The following LIPI variants were observed in gnomAD, a reference collection of about 807,000 sequenced individuals.
The protein encoded by LIPI is lipase member I.
In LIPI, 59 loss-of-function variants were observed where a neutral mutation model predicts 50.6. The observed-to-expected ratio is 1.16, with a 90% CI of 0.94 to 1.45. LIPI has a LOEUF of 1.45. Ranked by LOEUF, LIPI falls within the 40% of genes most tolerant of loss-of-function variation. LIPI has a pLI of 0.00. For synonymous variants in LIPI, 203 were observed against 178.2 expected (o/e 1.14, Z -1.11); for missense variants, 586 against 536.3 (o/e 1.09, Z -0.92).
intron 3 of LIPI, among the ~76,000 whole-genome samples, chr21:14,182,203 T>C (rs986077712): frequency 6.6e-6 from 1 of 152,108 alleles, no homozygotes; most frequent in African/African-American, 2.4e-5. Flanking sequence ...ATGAATACCA[T>C]CTGGTCCTCT....
intron 4 of LIPI, among the ~76,000 whole-genome samples, chr21:14,179,003 T>A (rs1283193444): frequency 1.3e-5 from 2 of 152,132 alleles, no homozygotes; most frequent in Non-Finnish European, 2.9e-5. Flanking sequence ...AAGGCTGATT[T>A]GTTCAGCTTT....
chr21:14,208,332 G>T (rs865897024), intron 1 of LIPI, among the ~76,000 whole-genome samples: 4 of 152,024 alleles, frequency 2.6e-5, no homozygotes, highest in African/African-American at 9.7e-5. Context: ...ATAAGAATTC[G>T]CATTTTTATC....
intron 8 of LIPI, among the ~76,000 whole-genome samples, chr21:14,148,390 A>T (rs988570597): frequency 6.6e-6 from 1 of 152,194 alleles, no homozygotes; most frequent in Non-Finnish European, 1.5e-5. Flanking sequence ...TCTTAAAGAC[A>T]ATTAAAATCC....
intron 1 of LIPI, among the ~76,000 whole-genome samples, chr21:14,196,859 T>A (rs1162272437): frequency 1.3e-5 from 2 of 152,062 alleles, no homozygotes; most frequent in Non-Finnish European, 2.9e-5. Flanking sequence ...AAAGTACATT[T>A]AAATGTGTGT....
chr21:14,141,927 T>C (rs946893326), intron 9 of LIPI, among the ~76,000 whole-genome samples: 1 of 152,196 alleles, frequency 6.6e-6, no homozygotes, highest in African/African-American at 2.4e-5. Flanking sequence ...CCCTGGATAA[T>C]ATAAATTCTT....
intron 9 of LIPI, among the ~76,000 whole-genome samples, chr21:14,127,693 C>T (rs2017120680): frequency 6.6e-6 from 1 of 152,006 alleles, no homozygotes; most frequent in African/African-American, 2.4e-5. Context: ...TTGTCTTTTC[C>T]CTTTCCTTTA....
In LIPI at chr21:14,160,405, T is replaced by A. The variant is rs77669540; in HGVS notation, c.1006+3014A>T. Among the ~76,000 whole-genome samples the A allele has an allele frequency of 9.4e-3, 1,418 of 151,444 alleles. 25 individuals are homozygous for A. The highest frequency in any genetic ancestry group is 0.033 in the African/African-American group (1,360 of 41,454). ...ATATTATATATCTCATCTACAGAGA[T>A]ATATTTTAACCAATTGTTGATAAAG... On this transcript the variant is annotated intron_variant, in intron 7 of 9. Transcript: ENST00000681601.
intron 1 of LIPI, among the ~76,000 whole-genome samples, chr21:14,201,950 C>A (rs1343871827): frequency 6.6e-6 from 1 of 152,060 alleles, no homozygotes; most frequent in African/African-American, 2.4e-5. Flanking sequence ...TTGTCTCAGC[C>A]CAAAATCTCC....
In LIPI at chr21:14,121,867, C is replaced by T. The variant is rs79333373; in HGVS notation, c.1296-12787G>A. Among the ~76,000 whole-genome samples the T allele has an allele frequency of 0.013, 1,988 of 152,286 alleles. 53 individuals are homozygous for T. In the East Asian group the frequency reaches 0.14, roughly 11 times the overall value. ...AGATGACTGCCCTGCCCCAACCACA[C>T]CAGAGGCTGGTTGGTAAATGCACTG... On this transcript the variant is annotated intron_variant, in intron 9 of 9. Transcript: ENST00000681601.
At chr21:14,203,856 GAGAA>G (rs57913221) in intron 1 of LIPI, among the ~76,000 whole-genome samples, 1 of 151,158 alleles carries the variant, frequency 6.6e-6, no homozygotes, top group Non-Finnish European at 1.5e-5. Context: ...ATAATAAAAA[GAGAA>G]AGAAAGAAAA....
At chr21:14,200,578 A>G (rs1464318945) in intron 1 of LIPI, among the ~76,000 whole-genome samples, 1 of 152,090 alleles carries the variant, frequency 6.6e-6, no homozygotes, top group Non-Finnish European at 1.5e-5. Flanking sequence ...TACTAGGAGA[A>G]CAACAAAACA....
intron 1 of LIPI, among the ~76,000 whole-genome samples, chr21:14,205,331 C>G (rs2020194685): frequency 6.6e-6 from 1 of 151,728 alleles, no homozygotes; most frequent in African/African-American, 2.4e-5. Flanking sequence ...GGGGACTATG[C>G]AGCATTTAAG....
At chr21:14,198,457 T>A (rs1024133686) in intron 1 of LIPI, among the ~76,000 whole-genome samples, 3 of 151,354 alleles carry the variant, frequency 2.0e-5, no homozygotes, top group Non-Finnish European at 4.4e-5. Context: ...AGAAAAAAAA[T>A]AGGGGTTGCA....
At chr21:14,206,844 AG>A (rs1186948141) in intron 1 of LIPI, 1 of 1,611,266 alleles carries the variant, frequency 6.2e-7, no homozygotes, top group African/African-American at 1.3e-5. Flanking sequence ...TAGAAGCCAC[AG>A]GACATTTCTG....
chr21:14,127,475 C>T (rs11700413), intron 9 of LIPI, among the ~76,000 whole-genome samples: 20,889 of 152,140 alleles, frequency 0.14, 1,895 homozygotes, highest in South Asian at 0.21. Context: ...AGATTTCATA[C>T]ATTTAATAAA....
At chr21:14,143,220 T>G (rs755449339) in intron 9 of LIPI, among the ~76,000 whole-genome samples, 8 of 152,152 alleles carry the variant, frequency 5.3e-5, no homozygotes, top group Non-Finnish European at 1.2e-4. Context: ...CTTACAGCTC[T>G]AGTCCTTCAA....
chr21:14,193,389 C>A (rs894736617), intron 1 of LIPI, among the ~76,000 whole-genome samples: 3 of 151,966 alleles, frequency 2.0e-5, no homozygotes, highest in African/African-American at 7.2e-5. Flanking sequence ...AAAATAAGTG[C>A]TTTGCTATCA....
At chr21:14,142,903 G>A (rs984469720) in intron 9 of LIPI, among the ~76,000 whole-genome samples, 14 of 151,858 alleles carry the variant, frequency 9.2e-5, no homozygotes, top group Non-Finnish European at 1.9e-4. Flanking sequence ...ATCTGTCCTA[G>A]GAAGTACTTT....
intron 9 of LIPI, among the ~76,000 whole-genome samples, chr21:14,133,193 A>G (rs1327486951): frequency 6.6e-6 from 1 of 152,210 alleles, no homozygotes; most frequent in East Asian, 1.9e-4. Context: ...AAAACCAGAT[A>G]AAGACACAAC....
Sources: allele counts gnomAD v4.1 joint callset (sites outside exome capture counted in the v4.1 genomes callset), GRCh38; gene constraint gnomAD v4.1.1; transcripts MANE v1.5; gene names NCBI Gene and HGNC (gene_info 2026-07-23, HGNC 2026-07-21).